The following CAMTA1 variants were observed in gnomAD, a reference collection of about 807,000 sequenced individuals.
CAMTA1 encodes the protein calmodulin binding transcription activator 1, also known as calmodulin-binding transcription activator 1.
CAMTA1 carries 27 observed loss-of-function variants against 170.9 expected under a neutral mutation model. The observed-to-expected ratio is 0.16, with a 90% confidence interval of 0.12 to 0.22. CAMTA1 has a LOEUF of 0.22. Ranked by LOEUF, CAMTA1 falls within the 10% of genes least tolerant of loss-of-function variation. CAMTA1 has a pLI of 1.00. For synonymous variants in CAMTA1, 833 were observed against 891.5 expected (o/e 0.93, Z 1.17); for missense variants, 1,619 against 2,217.2 (o/e 0.73, Z 5.42).
chr1:7,025,274 G>A (rs930058290), intron 3 of CAMTA1, among the ~76,000 whole-genome samples: 3 of 152,224 alleles, frequency 2.0e-5, no homozygotes, highest in Non-Finnish European at 4.4e-5. Context: ...TGTGGGAGCC[G>A]AGGCTGCAGG....
chr1:7,159,596 T>C (rs936519170), intron 4 of CAMTA1, among the ~76,000 whole-genome samples: 1 of 152,166 alleles, frequency 6.6e-6, no homozygotes, highest in Non-Finnish European at 1.5e-5. Context: ...CAGGCTGAAG[T>C]GCAATGACAC....
chr1:7,263,465 A>G (rs1668468946), intron 5 of CAMTA1, among the ~76,000 whole-genome samples: 1 of 152,226 alleles, frequency 6.6e-6, no homozygotes, highest in Non-Finnish European at 1.5e-5. Flanking sequence ...TTGGACACAA[A>G]CCAGAATGCA....
In CAMTA1 at chr1:6,943,805, C is replaced by T. The variant is rs1032622239; in HGVS notation, c.234+118595C>T. 3.6e-4 allele frequency among the ~76,000 whole-genome samples: 53 copies of T among 147,764 alleles called. 1 individual carries two copies. The highest frequency in any genetic ancestry group is 1.3e-3 in the African/African-American group (53 of 39,480). The stretch of plus-strand genomic sequence containing the variant: ...GAGGTTGCAGTGAGCCGAAATCGTG[C>T]CACTGCACTCCAGCTTGGGTGACAG... On this transcript the variant is annotated intron_variant, in intron 3 of 22. Coordinates refer to ENST00000303635, the MANE Select transcript of CAMTA1 (RefSeq NM_015215.4).
chr1:6,797,558 G>GT (rs1036202167), intron 1 of CAMTA1, among the ~76,000 whole-genome samples: 29 of 151,050 alleles, frequency 1.9e-4, no homozygotes, highest in African/African-American at 2.2e-4. Context: ...GCTAATTTTT[G>GT]TTTTTTTTAG....
Position 7,037,494 on chromosome 1 carries a change from G to A in CAMTA1, c.235-53810G>A, listed in dbSNP as rs536261703. On this transcript the variant is annotated intron_variant, in intron 3 of 22. Coordinates refer to ENST00000303635, the MANE Select transcript of CAMTA1 (RefSeq NM_015215.4). ...CTCTCTCTGCTGGGTTCTTCGCATT[G>A]GGCTTTATGCTACTTCGAAAAATGG... Among the ~76,000 whole-genome samples the A allele has an allele frequency of 1.5e-3, 233 of 152,264 alleles. 11 individuals carry two copies. In the South Asian group the frequency reaches 0.045, roughly 29 times the overall value.
chr1:6,799,463 C>T (rs1405108462), intron 1 of CAMTA1, among the ~76,000 whole-genome samples: 2 of 152,206 alleles, frequency 1.3e-5, no homozygotes, highest in African/African-American at 4.8e-5. Flanking sequence ...CTTAGGTGGA[C>T]CAGGAGCTAG....
At chr1:6,850,049 A>G (rs966726259) in intron 3 of CAMTA1, among the ~76,000 whole-genome samples, 1 of 151,884 alleles carries the variant, frequency 6.6e-6, no homozygotes, top group Non-Finnish European at 1.5e-5. Context: ...AAAAAAAAAA[A>G]AAAAAAAGTT....
intron 3 of CAMTA1, among the ~76,000 whole-genome samples, chr1:7,046,203 G>A (rs748061047): frequency 5.3e-5 from 8 of 152,204 alleles, no homozygotes; most frequent in Non-Finnish European, 2.9e-5. Context: ...TGGTGTGCAG[G>A]CAAATAATTG....
intron 6 of CAMTA1, among the ~76,000 whole-genome samples, chr1:7,494,276 G>A (rs1276712591): frequency 6.6e-6 from 1 of 152,130 alleles, no homozygotes; most frequent in East Asian, 1.9e-4. Flanking sequence ...TTAGCTAAAG[G>A]AAAACACATT....
intron 3 of CAMTA1, among the ~76,000 whole-genome samples, chr1:6,982,902 G>A (rs896090337): frequency 5.9e-5 from 9 of 152,170 alleles, no homozygotes; most frequent in African/African-American, 2.2e-4. Flanking sequence ...AGGACAATTG[G>A]GCCTGGTTTG....
At chr1:6,871,331 A>G (rs1222276281) in intron 3 of CAMTA1, among the ~76,000 whole-genome samples, 3 of 152,220 alleles carry the variant, frequency 2.0e-5, no homozygotes, top group Admixed American at 6.5e-5. Context: ...GTTATACTAA[A>G]TGTTCCAATA....
rs1186679826 is a variant in CAMTA1 at position 6,926,486 on chromosome 1, T to TTCTC, written c.234+101284_234+101287dup. ...TTTCTTTCTTTCTTTCTTTCTTTCT[T>TTCTC]TCTCTCTCTCTTTTCTTCCTTCCTT... is the stretch of plus-strand genomic sequence containing the variant. On this transcript the variant is annotated intron_variant, in intron 3 of 22. Transcript: ENST00000303635. Among the ~76,000 whole-genome samples the TTCTC allele has an allele frequency of 3.3e-4, 45 of 134,840 alleles. 1 individual carries two copies. Among genetic ancestry groups the TTCTC allele is most frequent in the African/African-American group, 7.5e-4 (27 of 35,826 alleles). 88.5% of individuals were successfully genotyped at this position (134,840 alleles called of 152,430 possible).
chr1:7,297,491 T>G (rs552572347), intron 5 of CAMTA1, among the ~76,000 whole-genome samples: 16 of 152,238 alleles, frequency 1.1e-4, no homozygotes, highest in Non-Finnish European at 2.1e-4. Context: ...CTCTGCCAGC[T>G]CTGCATGACT....
intron 11 of CAMTA1, among the ~76,000 whole-genome samples, chr1:7,716,869 C>T (rs1237867268): frequency 6.6e-6 from 1 of 152,210 alleles, no homozygotes; most frequent in Non-Finnish European, 1.5e-5. Flanking sequence ...CGGTAGCACC[C>T]TGAGTGTCCA....
chr1:6,887,994 A>G lies in CAMTA1; in HGVS notation c.234+62784A>G. The G allele has an allele frequency of 8.6e-7, 1 of 1,165,456 alleles. No homozygotes were observed. Among genetic ancestry groups the G allele is most frequent in the Non-Finnish European group, 1.1e-6 (1 of 937,936 alleles). The allele number at this position is 1,165,456 out of a possible 1,614,324, so 72.2% of individuals were successfully genotyped here. ...TCCTGGTCCAGAGGCCTCCGTGACC[A>G]TCCATGATGCCACTCTGTCCCCTCA... On this transcript the variant is annotated intron_variant, in intron 3 of 22. Coordinates refer to ENST00000303635, the MANE Select transcript of CAMTA1 (RefSeq NM_015215.4). The surrounding 1 kb of genome is among the most constrained non-coding windows in gnomAD (Gnocchi z 4.1).
At chr1:7,753,859 T>C (rs982567293) in intron 21 of CAMTA1, among the ~76,000 whole-genome samples, 2 of 152,200 alleles carry the variant, frequency 1.3e-5, no homozygotes, top group African/African-American at 2.4e-5. Flanking sequence ...ATGAGTAACA[T>C]ACCAGTGTCA....
intron 11 of CAMTA1, among the ~76,000 whole-genome samples, chr1:7,731,534 T>C (rs1457049143): frequency 2.0e-5 from 3 of 149,684 alleles, no homozygotes; most frequent in Non-Finnish European, 4.4e-5. Flanking sequence ...ATTGCGCCAT[T>C]GCACTCCAGC....
At chr1:7,241,922 C>T (rs1401402378) in intron 4 of CAMTA1, among the ~76,000 whole-genome samples, 1 of 151,956 alleles carries the variant, frequency 6.6e-6, no homozygotes, top group Non-Finnish European at 1.5e-5. Context: ...AAGTACTATT[C>T]ATAAAAGAAA....
At chr1:7,278,706 T>G (rs1671087952) in intron 5 of CAMTA1, among the ~76,000 whole-genome samples, 1 of 152,218 alleles carries the variant, frequency 6.6e-6, no homozygotes. Context: ...GGGGTTCATT[T>G]ACTCTAGAAA....
Sources: gnomAD v4.1 joint callset for allele counts (sites outside exome capture counted in the v4.1 genomes callset) on GRCh38, gnomAD v4.1.1 for gene constraint, Gnocchi (gnomAD v3.1) non-coding constraint, MANE v1.5 for transcripts, NCBI Gene and HGNC (gene_info 2026-07-23, HGNC 2026-07-21) for gene names.